SRSF11: variants seen among roughly 807,000 people sequenced by gnomAD.
The protein encoded by SRSF11 is serine and arginine rich splicing factor 11.
In SRSF11, 9 loss-of-function variants were observed where a neutral mutation model predicts 56.0. The ratio of observed to expected loss-of-function variants is 0.16; its 90% CI spans 0.10 to 0.28. The LOEUF (loss-of-function observed/expected upper bound fraction) is 0.28, where lower values mean the gene tolerates loss of function less well. Ranked by LOEUF, SRSF11 falls within the 10% of genes least tolerant of loss-of-function variation. The probability of loss-of-function intolerance (pLI) is 1.00; values close to 1 mark genes in which losing one functional copy is unlikely to be tolerated. For synonymous variants in SRSF11, 222 were observed against 215.3 expected, an observed-to-expected ratio of 1.03 and a Z score of -0.27; for missense variants, 421 against 600.7, an observed-to-expected ratio of 0.70 and a Z score of 3.13.
At chr1:70,219,630 GGGAGGGTCCT>G (rs1236691133), upstream of SRSF11, among the ~76,000 whole-genome samples, 1 of 152,164 alleles carries the variant, frequency 6.6e-6, no homozygotes, top group Non-Finnish European at 1.5e-5. Flanking sequence ...TGGTATTTGT[GGGAGGGTCCT>G]GGAACCAATC....
At chr1:70,212,979 C>A (rs780603483) in intron 1 of SRSF11, among the ~76,000 whole-genome samples, 1 of 151,964 alleles carries the variant, frequency 6.6e-6, no homozygotes, top group Non-Finnish European at 1.5e-5. Context: ...GCAGGAGGAT[C>A]ACTTGAACCC....
intron 2 of SRSF11, chr1:70,231,428 G>T (rs990912772): frequency 1.9e-6 from 2 of 1,057,270 alleles, no homozygotes; most frequent in Non-Finnish European, 2.3e-6. Context: ...ACACAGATTA[G>T]GCTTTAAAAA....
intron 2 of SRSF11, chr1:70,229,210 T>C: frequency 7.8e-7 from 1 of 1,289,140 alleles, no homozygotes; most frequent in Non-Finnish European, 1.0e-6. Flanking sequence ...ATTTTTATAG[T>C]GGAGAAGGCA....
intron 1 of SRSF11, among the ~76,000 whole-genome samples, chr1:70,226,831 C>T (rs1467194592): frequency 1.3e-5 from 2 of 152,166 alleles, no homozygotes; most frequent in African/African-American, 4.8e-5. Flanking sequence ...AAGACCCCTC[C>T]CATTTCTTTA....
At chr1:70,214,752 AAGAAT>A (rs1333445169) in intron 1 of SRSF11, among the ~76,000 whole-genome samples, 1 of 152,116 alleles carries the variant, frequency 6.6e-6, no homozygotes, top group Non-Finnish European at 1.5e-5. Flanking sequence ...CATTTAGGTG[AAGAAT>A]AGGAGCGTGG....
upstream of SRSF11, among the ~76,000 whole-genome samples, chr1:70,219,937 AGTTT>A (rs1228304536): frequency 6.6e-5 from 10 of 152,246 alleles, no homozygotes; most frequent in East Asian, 1.9e-4. Flanking sequence ...TAAGGCTTCA[AGTTT>A]GTTTGTTTGT....
chr1:70,228,719 T>C, intron 2 of SRSF11, 164 bp downstream of exon 2: 12 of 1,304,090 alleles, frequency 9.2e-6, no homozygotes, highest in Non-Finnish European at 1.2e-5. Flanking sequence ...TTTTTAATTC[T>C]AAAAATTAGA....
intron 1 of SRSF11, among the ~76,000 whole-genome samples, chr1:70,206,482 C>T (rs1435238165): frequency 6.6e-6 from 1 of 151,662 alleles, no homozygotes; most frequent in Non-Finnish European, 1.5e-5. Flanking sequence ...CAATGTAAGT[C>T]GGTGTTTCCT....
At chr1:70,213,138 C>G (rs1669717549) in intron 1 of SRSF11, among the ~76,000 whole-genome samples, 1 of 152,094 alleles carries the variant, frequency 6.6e-6, no homozygotes, top group South Asian at 2.1e-4. Context: ...TGTTGGGTGC[C>G]TACGTGTTGG....
In SRSF11 at chr1:70,239,485, T is replaced by TAGG. The variant is rs1558205256; in HGVS notation, c.776_778dup (p.Arg259dup). 4.3e-6 allele frequency: 7 copies of TAGG among 1,609,862 alleles called. No individual in the cohort carries two copies. The highest frequency in any genetic ancestry group is 5.9e-6 in the Non-Finnish European group (7 of 1,178,592). On this transcript the variant is annotated inframe_insertion, in exon 7 of 12. Transcript: ENST00000370949. Reference sequence around the variant, plus strand: ...GGCATTCAAGATCAAGATCACGTTCTAGGAGGAGGAGGACTCCCTCATCTT... The same window carrying TAGG: ...GGCATTCAAGATCAAGATCACGTTCTAGGAGGAGGAGGAGGACTCCCTCATCTT...
chr1:70,247,036 T>A, intron 9 of SRSF11, 129 bp downstream of exon 9: 3 of 1,119,028 alleles, frequency 2.7e-6, no homozygotes, highest in Non-Finnish European at 2.4e-6. Context: ...TACATTTTGC[T>A]GTTATTTAAA....
intron 8 of SRSF11, among the ~76,000 whole-genome samples, chr1:70,245,452 A>G (rs923500442): frequency 1.3e-5 from 2 of 152,212 alleles, no homozygotes; most frequent in Non-Finnish European, 2.9e-5. Context: ...TGGGGCTTTT[A>G]GTCCTTATGT....
chr1:70,236,027 A>G (rs1673916200), intron 5 of SRSF11, among the ~76,000 whole-genome samples: 1 of 152,156 alleles, frequency 6.6e-6, no homozygotes, highest in Non-Finnish European at 1.5e-5. Flanking sequence ...TTCACTGGTT[A>G]TTTGTTGGCA....
intron 1 of SRSF11, among the ~76,000 whole-genome samples, chr1:70,213,713 G>C (rs762763860): frequency 6.6e-6 from 1 of 152,022 alleles, no homozygotes; most frequent in East Asian, 1.9e-4. Context: ...ATTTGTATTA[G>C]TATTCTCACG....
At chr1:70,214,735 TC>T (rs989283815) in intron 1 of SRSF11, among the ~76,000 whole-genome samples, 29 of 152,226 alleles carry the variant, frequency 1.9e-4, no homozygotes, top group African/African-American at 6.7e-4. Flanking sequence ...CCTTATCCTC[TC>T]CCCTTCATTT....
At chr1:70,240,176 A>G (rs1675018035) in intron 7 of SRSF11, among the ~76,000 whole-genome samples, 1 of 152,190 alleles carries the variant, frequency 6.6e-6, no homozygotes. Context: ...CATACTTTCC[A>G]TTTCATCACA....
At chr1:70,209,742 T>A (rs1451948636) in intron 1 of SRSF11, among the ~76,000 whole-genome samples, 2 of 87,422 alleles carry the variant, frequency 2.3e-5, no homozygotes, top group Non-Finnish European at 4.6e-5. Context: ...CCTCGCTTCT[T>A]TTTTTTTTTT....
At chr1:70,231,198 C>CATAT (rs1363154307) in intron 2 of SRSF11, 1 of 1,261,520 alleles carries the variant, frequency 7.9e-7, no homozygotes, top group African/African-American at 1.6e-5. Context: ...GTGCCCTGTA[C>CATAT]ATATTGTATG....
chr1:70,237,677 A>G lies in SRSF11; in HGVS notation c.718+125A>G, dbSNP rs142179591. On this transcript the variant is annotated intron_variant, in intron 6 of 11. Transcript: ENST00000370949. ...GTTGTAAACTCTGATAAAAGATTGT[A>G]TAGTGGAGTGCCACTCAGACGTATT... 1.0e-4 allele frequency: 135 copies of G among 1,325,488 alleles called. No homozygotes were observed. In the East Asian group the frequency reaches 3.1e-3, roughly 31 times the overall value. 82.1% of individuals were successfully genotyped at this position (1,325,488 alleles called of 1,614,324 possible).
Sources: allele counts gnomAD v4.1 joint callset (sites outside exome capture counted in the v4.1 genomes callset), GRCh38; gene constraint gnomAD v4.1.1; transcripts MANE v1.5; gene names NCBI Gene and HGNC (gene_info 2026-07-23, HGNC 2026-07-21).